LIG3: variants seen among roughly 807,000 people sequenced by gnomAD.
The protein encoded by LIG3 is DNA ligase 3, also known as ligase II, DNA, ATP-dependent.
LIG3 carries 58 observed loss-of-function variants against 110.9 expected under a neutral mutation model. The ratio of observed to expected loss-of-function variants is 0.52; its 90% confidence interval spans 0.42 to 0.65. The LOEUF is 0.65. Among genes scored for constraint, LIG3 ranks in the 30% least tolerant of loss-of-function variants. The pLI, the probability that LIG3 is intolerant of heterozygous loss-of-function variation, is 0.00. For synonymous variants in LIG3, 422 were observed against 472.8 expected, an observed-to-expected ratio of 0.89 and a Z score of 1.39; for missense variants, 1,094 against 1,273.8, an observed-to-expected ratio of 0.86 and a Z score of 2.15.
intron 3 of LIG3, among the ~76,000 whole-genome samples, chr17:34,986,657 T>C (rs2090658724): frequency 6.6e-6 from 1 of 152,224 alleles, no homozygotes; most frequent in Non-Finnish European, 1.5e-5. Context: ...TTGTATACTT[T>C]AACCTCTATC....
intron 1 of LIG3, 65 bp from the exon 2 acceptor site, chr17:34,982,937 T>C (rs1004047779): frequency 2.2e-6 from 3 of 1,359,946 alleles, no homozygotes; most frequent in East Asian, 2.4e-5. Flanking sequence ...CTTTGGAAAA[T>C]TGGAAGCCTA....
chr17:34,989,865 G>C lies in LIG3; in HGVS notation c.889+202G>C, dbSNP rs1425688834. The C allele has an allele frequency of 3.7e-5, 21 of 572,330 alleles. No homozygotes were observed. In the Admixed American group the frequency reaches 6.0e-4, roughly 16 times the overall value. The allele number at this position is 572,330 out of a possible 1,614,324, so 35.5% of individuals were successfully genotyped here. On this transcript the variant is annotated intron_variant, in intron 4 of 19. Coordinates refer to ENST00000378526, the MANE Select transcript of LIG3 (RefSeq NM_013975.4). The stretch of plus-strand genomic sequence containing the variant: ...TGCACTGTACTCCACAAATTATGTA[G>C]CCAGTTTTTCTCAGAGCACTTTGGC...
In LIG3 at chr17:34,994,429, A is replaced by G; in HGVS notation, c.1609A>G (p.Lys537Glu). 6.2e-7 allele frequency: 1 copy of G among 1,613,416 alleles called. No homozygotes were observed. Among genetic ancestry groups the G allele is most frequent in the Non-Finnish European group, 8.5e-7 (1 of 1,179,626 alleles). Residue 537 changes from lysine (K) to glutamate (E), a missense_variant and splice_region_variant, in exon 9 of 20, where the codon AAG (lysine) becomes GAG (glutamate). Lys to Glu is a moderately conservative substitution (Grantham distance 56). Coordinates refer to ENST00000378526, the MANE Select transcript of LIG3 (RefSeq NM_013975.4). ...SRSLKPVLPH[K>E]VAHFKDYIPQ... ...CAGTCTCAAGCCCGTCCTTCCTCAC[A>G]AGGTATGAGTGCCTTCCTTTCTGCC... is the stretch of plus-strand genomic sequence containing the variant.
At chr17:35,001,464 G>T in intron 17 of LIG3, 61 bp downstream of exon 17, 1 of 1,532,284 alleles carries the variant, frequency 6.5e-7, no homozygotes, top group Admixed American at 1.7e-5. Flanking sequence ...TGGAGCCTTG[G>T]GCATCTAGAC....
chr17:34,985,379 G>A (rs868259151), intron 2 of LIG3, among the ~76,000 whole-genome samples: 9 of 152,190 alleles, frequency 5.9e-5, no homozygotes, highest in Middle Eastern at 3.4e-3. Flanking sequence ...AAAGACTTCC[G>A]GGAAAGAAAA....
At chr17:34,983,736 A>G (rs764356667) in intron 2 of LIG3, among the ~76,000 whole-genome samples, 184 bp downstream of exon 2, 4 of 152,186 alleles carry the variant, frequency 2.6e-5, no homozygotes, top group African/African-American at 4.8e-5. Flanking sequence ...TGCTGGACTC[A>G]GGTCATCCTG....
chr17:35,009,119 G>A lies in LIG3; in HGVS notation c.*4613G>A, dbSNP rs1009500172. 2.0e-5 allele frequency: 3 copies of A among 152,612 alleles called. No homozygotes were observed. Among genetic ancestry groups the A allele is most frequent in the Admixed American group, 1.3e-4 (2 of 15,280 alleles). 9.5% of individuals were successfully genotyped at this position (152,612 alleles called of 1,614,324 possible). ...CTCGCACCAGACAGGACAGGTGTCT[G>A]TATTGAAACTTTATTACAAAATTAT... On this transcript the variant is annotated 3_prime_UTR_variant, in exon 20 of 20. Coordinates refer to ENST00000378526, the MANE Select transcript of LIG3 (RefSeq NM_013975.4).
chr17:35,004,733 G>T lies in LIG3; in HGVS notation c.*227G>T. Reference sequence around the variant, plus strand: ...ATAGATCTTTCAGAGCTGGGTGCTGGGTTTGCCATCTTTTTGTTTTCTTTG... The same window carrying T: ...ATAGATCTTTCAGAGCTGGGTGCTGTGTTTGCCATCTTTTTGTTTTCTTTG... On this transcript the variant is annotated 3_prime_UTR_variant, in exon 20 of 20. Coordinates refer to ENST00000378526, the MANE Select transcript of LIG3 (RefSeq NM_013975.4). The T allele has an allele frequency of 4.0e-6, 2 of 506,020 alleles. No homozygotes were observed. The highest frequency in any genetic ancestry group is 3.5e-6 in the Non-Finnish European group (1 of 286,898). The allele number at this position is 506,020 out of a possible 1,614,324, so 31.3% of individuals were successfully genotyped here.
rs769447978 is a variant in LIG3, at chr17:34,992,053, T to A, written c.1286+18T>A. 1 of 1,605,952 alleles carries A rather than the reference T, an allele frequency of 6.2e-7. No homozygotes were observed. Among genetic ancestry groups the A allele is most frequent in the Admixed American group, 1.7e-5 (1 of 60,020 alleles). On this transcript the variant is annotated intron_variant, in intron 7 of 19. Coordinates refer to ENST00000378526, the MANE Select transcript of LIG3 (RefSeq NM_013975.4). Reference sequence around the variant, plus strand: ...AAACATGTGTAAGTAGCAGCTCCGCTGACAGCCTGAGCTGTCATTTGTTAG... The same window carrying A: ...AAACATGTGTAAGTAGCAGCTCCGCAGACAGCCTGAGCTGTCATTTGTTAG...
intron 3 of LIG3, 94 bp downstream of exon 3, chr17:34,986,225 A>G (rs1339958442): frequency 1.7e-6 from 2 of 1,209,524 alleles, no homozygotes; most frequent in Admixed American, 2.0e-5. Context: ...ATTCTGTGCT[A>G]TCTCATCTCA....
rs1259924465 is a variant in LIG3 at position 35,007,759 on chromosome 17, T to C, written c.*3253T>C. On this transcript the variant is annotated 3_prime_UTR_variant, in exon 20 of 20. Coordinates refer to ENST00000378526, the MANE Select transcript of LIG3 (RefSeq NM_013975.4). ...ACCTTTTTTTTTTTTTTAAACAGAC[T>C]CTTGCTCTGTCATTCAGGCTGGAGT... 2 of 150,174 alleles carry C rather than the reference T, an allele frequency of 1.3e-5. No individual in the cohort carries two copies. Among genetic ancestry groups the C allele is most frequent in the African/African-American group, 4.9e-5 (2 of 40,470 alleles). 9.3% of individuals were successfully genotyped at this position (150,174 alleles called of 1,614,324 possible). A position where few individuals can be genotyped will look rare whatever the true frequency, so the allele number is the denominator to read the frequency against.
chr17:34,994,035 A>G (rs1175172101), intron 8 of LIG3, among the ~76,000 whole-genome samples: 2 of 152,254 alleles, frequency 1.3e-5, no homozygotes, highest in East Asian at 1.9e-4. Context: ...TAGCATTCAT[A>G]TTCCTCAAAA....
chr17:35,003,765 A>G (rs2142292051), intron 19 of LIG3: 1 of 159,076 alleles, frequency 6.3e-6, no homozygotes, highest in Non-Finnish European at 1.4e-5. Flanking sequence ...TCCAGGAGTA[A>G]GCATAGAAGT....
rs1017282700 is a variant in LIG3, at chr17:34,999,502, G to A, written c.2256+53G>A. 4 of 1,587,012 alleles carry A rather than the reference G, an allele frequency of 2.5e-6. No individual in the cohort carries two copies. The African/African-American group carries it at 4.0e-5, about 16-fold the overall frequency. On this transcript the variant is annotated intron_variant, in intron 15 of 19. Transcript: ENST00000378526. ...CCTCTGGACTGGCCGCCATCACTGAGACAGAGGCTGTGCTTTGGGGACTAC... is the reference window on the plus strand; with the variant it reads ...CCTCTGGACTGGCCGCCATCACTGAAACAGAGGCTGTGCTTTGGGGACTAC...
At chr17:34,999,204 C>A in intron 14 of LIG3, 103 bp from the exon 15 acceptor site, 2 of 1,324,788 alleles carry the variant, frequency 1.5e-6, no homozygotes, top group Non-Finnish European at 2.1e-6. Flanking sequence ...TAAACTCTGG[C>A]ACTCTGACGG....
At chr17:34,991,559 TG>T in intron 5 of LIG3, 111 bp from the exon 6 acceptor site, 1 of 1,036,312 alleles carries the variant, frequency 9.6e-7, no homozygotes, top group Non-Finnish European at 1.4e-6. Context: ...TATGTTGAGT[TG>T]GGATAGGAGC....
intron 2 of LIG3, among the ~76,000 whole-genome samples, chr17:34,985,293 T>C (rs1280569846): frequency 6.6e-6 from 1 of 152,202 alleles, no homozygotes. Context: ...ATCTTCAACT[T>C]AGTTCTGGTC....
At chr17:34,997,573 A>C in intron 11 of LIG3, 165 bp from the exon 12 acceptor site, 1 of 594,304 alleles carries the variant, frequency 1.7e-6, no homozygotes. Context: ...GTCACGATGG[A>C]GCCCTTGTAG....
chr17:35,004,274 T>G lies in LIG3; in HGVS notation c.2798T>G (p.Val933Gly), dbSNP rs973030506. The change falls in exon 20 of 20, where the codon GTA (valine) becomes GGA (glycine). Residue 933 changes from valine (V) to glycine (G), a missense_variant and splice_region_variant. By Grantham distance (109) the Val-to-Gly change is moderately radical. Transcript: ENST00000378526. ...ACCCTGACCCCTCTGCATTTGCAGG[T>G]ATTGCTGGACATCTTCACTGGGGTG... ...AADETLCQTKVLLDIFTGVRL... is the reference protein window; with the variant it reads ...AADETLCQTKGLLDIFTGVRL... 1.2e-6 allele frequency: 2 copies of G among 1,613,734 alleles called. No homozygotes were observed. Among genetic ancestry groups the G allele is most frequent in the Non-Finnish European group, 1.7e-6 (2 of 1,179,754 alleles).
Sources: allele counts gnomAD v4.1 joint callset (sites outside exome capture counted in the v4.1 genomes callset), GRCh38; gene constraint gnomAD v4.1.1; transcripts MANE v1.5; gene names NCBI Gene and HGNC (gene_info 2026-07-23, HGNC 2026-07-21).